RNF128: variants seen among roughly 807,000 people sequenced by gnomAD.
RNF128 encodes the protein E3 ubiquitin-protein ligase RNF128.
A neutral mutation model predicts 26.2 loss-of-function variants in RNF128; 13 were observed. That is an observed-to-expected ratio of 0.50 (90% CI 0.32 to 0.79). RNF128 has a LOEUF of 0.79. Ranked by LOEUF, RNF128 falls within the 30% of genes least tolerant of loss-of-function variation. RNF128 has a pLI of 0.03. For missense variants in RNF128, 315 were observed against 349.7 expected (o/e 0.90, Z 0.79); for synonymous variants, 149 against 142.5 (o/e 1.05, Z -0.32).
chrX:106,727,189 G>T lies in RNF128; in HGVS notation c.276G>T (p.Ala92=). The change falls in exon 1 of 7, where the codon GCG becomes GCT. Residue 92 remains alanine, a synonymous_variant. Coordinates refer to ENST00000255499, the MANE Select transcript of RNF128 (RefSeq NM_194463.2). The part of the protein sequence containing the change: ...GVLVPPDGPG[A]LNACNPHTNF... ...TGGTACCGCCCGACGGGCCCGGGGC[G>T]CTTAACGCCTGTAACCCGCACACGA... 1 of 1,211,493 alleles carries T rather than the reference G, an allele frequency of 8.3e-7. No individual in the cohort carries two copies. Among genetic ancestry groups the T allele is most frequent in the African/African-American group, 1.7e-5 (1 of 57,954 alleles).
chrX:106,701,883 C>T (rs889652150), intron 1 of RNF128, among the ~76,000 whole-genome samples: 2 of 111,247 alleles, frequency 1.8e-5, no homozygotes, highest in Non-Finnish European at 3.8e-5. Flanking sequence ...CTACATTGTA[C>T]CACAAGTCAA....
intron 1 of RNF128, among the ~76,000 whole-genome samples, chrX:106,703,532 CA>C (rs1928993117): frequency 9.0e-6 from 1 of 111,374 alleles, no homozygotes; most frequent in African/African-American, 3.3e-5. Context: ...TGCTCTTAAT[CA>C]GTACACAATA....
intron 2 of RNF128, among the ~76,000 whole-genome samples, chrX:106,776,263 A>T (rs1930463196): frequency 8.9e-6 from 1 of 112,244 alleles, no homozygotes; most frequent in South Asian, 3.7e-4. Flanking sequence ...GTATTCAAGC[A>T]GTTAATACTC....
intron 1 of RNF128, among the ~76,000 whole-genome samples, chrX:106,735,248 T>C (rs896533092): frequency 8.9e-6 from 1 of 111,974 alleles, no homozygotes; most frequent in African/African-American, 3.2e-5. Flanking sequence ...TACTTGCTTT[T>C]AATACTTGAA....
At chrX:106,770,935 G>T (rs1025154841) in intron 1 of RNF128, among the ~76,000 whole-genome samples, 1 of 112,098 alleles carries the variant, frequency 8.9e-6, no homozygotes, top group African/African-American at 3.2e-5. Flanking sequence ...CAGGGTTTTG[G>T]TGTGGATGTC....
rs2147668010 is a variant in RNF128 at position 106,726,994 on chromosome X, G to T, written c.81G>T (p.Leu27=). 8.3e-7 allele frequency: 1 copy of T among 1,202,878 alleles called. No homozygotes were observed. The highest frequency in any genetic ancestry group is 2.2e-5 in the Admixed American group (1 of 44,961). ...GATTGCTGGCATGGTGCTTCCTGCT[G>T]GCCCTGAGTCCGCAGGCACCCGGTT... is the stretch of plus-strand genomic sequence containing the variant. The part of the protein sequence containing the change: ...FSRLLAWCFL[L]ALSPQAPGSR... The change falls in exon 1 of 7, where the codon CTG becomes CTT. Residue 27 remains leucine (L), a synonymous_variant. Coordinates refer to ENST00000255499, the MANE Select transcript of RNF128 (RefSeq NM_194463.2).
intron 1 of RNF128, among the ~76,000 whole-genome samples, chrX:106,715,195 TAAC>T (rs1929192980): frequency 8.9e-6 from 1 of 112,199 alleles, no homozygotes; most frequent in Admixed American, 9.5e-5. Flanking sequence ...TCCACATCCT[TAAC>T]AACATTTGGT....
At chrX:106,726,466 T>C (rs189332219), upstream of RNF128, among the ~76,000 whole-genome samples, 3 of 112,134 alleles carry the variant, frequency 2.7e-5, no homozygotes, top group East Asian at 8.5e-4. Context: ...CCGACTCGAA[T>C]CCTGCCAGAA....
At chrX:106,788,522 TATA>T (rs1232326653) in intron 4 of RNF128, among the ~76,000 whole-genome samples, 2 of 58,079 alleles carry the variant, frequency 3.4e-5, no homozygotes, top group Admixed American at 3.3e-4. Context: ...TTATAATATA[TATA>T]ATATGTATTA....
intron 4 of RNF128, among the ~76,000 whole-genome samples, chrX:106,788,756 T>C (rs1408956726): frequency 1.3e-4 from 9 of 71,192 alleles, no homozygotes; most frequent in Non-Finnish European, 2.1e-4. Context: ...TAGTATACTA[T>C]ATAATATATA....
rs150895665 is a variant in RNF128, at chrX:106,754,410, C to CTTTTTTTTTTT, written c.485-18482_485-18472dup. On this transcript the variant is annotated intron_variant, in intron 1 of 6. Transcript: ENST00000255499. ...CCACACCTGGCAATGTTTTCTTTCT[C>CTTTTTTTTTTT]TTTTTTTTTTTTTTTTTTTTTTTTT... Among the ~76,000 whole-genome samples, 45 of 35,758 alleles carry CTTTTTTTTTTT rather than the reference C, an allele frequency of 1.3e-3. 5 individuals are homozygous for CTTTTTTTTTTT. Among genetic ancestry groups the CTTTTTTTTTTT allele is most frequent in the African/African-American group, 4.9e-3 (37 of 7,546 alleles). 31.1% of individuals were successfully genotyped at this position (35,758 alleles called of 115,157 possible). A position where few individuals can be genotyped will look rare whatever the true frequency, so the allele number is the denominator to read the frequency against.
rs1359670288 is a variant in RNF128 at position 106,716,257 on chromosome X, C to A, written c.406+21849C>A. On this transcript the variant is annotated intron_variant, in intron 1 of 6. Transcript: ENST00000324342. ...CTTTGTACTCCCTCACAGCACTTAT[C>A]TCTCTGACCACTCTTTTGTTTAAAT... Among the ~76,000 whole-genome samples, 7 of 111,892 alleles carry A rather than the reference C, an allele frequency of 6.3e-5. No individual in the cohort carries two copies. The Admixed American group carries it at 6.7e-4, about 11-fold the overall frequency.
chrX:106,747,554 G>T (rs1569440327), intron 1 of RNF128, among the ~76,000 whole-genome samples: 1 of 111,053 alleles, frequency 9.0e-6, no homozygotes, highest in Non-Finnish European at 1.9e-5. Context: ...TCATGCAGAA[G>T]ATGCAACCCA....
At chrX:106,705,362 T>C (rs749197154) in intron 1 of RNF128, among the ~76,000 whole-genome samples, 6 of 112,443 alleles carry the variant, frequency 5.3e-5, no homozygotes, top group Non-Finnish European at 1.1e-4. Context: ...GCTAATTACC[T>C]ATCTGCATTG....
chrX:106,712,588 C>T (rs989200136), intron 1 of RNF128, among the ~76,000 whole-genome samples: 4 of 111,251 alleles, frequency 3.6e-5, no homozygotes, highest in Admixed American at 9.6e-5. Context: ...TATGCATTCT[C>T]CACGTTTTTT....
Position 106,796,192 on chromosome X carries a change from A to G in RNF128, c.*479A>G, listed in dbSNP as rs2147706981. On this transcript the variant is annotated 3_prime_UTR_variant, in exon 7 of 7. Coordinates refer to ENST00000255499, the MANE Select transcript of RNF128 (RefSeq NM_194463.2). Reference sequence around the variant, plus strand: ...TGCAAACTTAGGCGAGTACTTCTTGAAATGTCTATTTAAGCTGCTTTAAGT... The same window carrying G: ...TGCAAACTTAGGCGAGTACTTCTTGGAATGTCTATTTAAGCTGCTTTAAGT... 8.9e-6 allele frequency: 1 copy of G among 112,359 alleles called. No homozygotes were observed. The highest frequency in any genetic ancestry group is 1.9e-5 in the Non-Finnish European group (1 of 53,101). The allele number at this position is 112,359 out of a possible 1,213,427, so 9.3% of individuals were successfully genotyped here.
At chrX:106,760,112 T>A (rs1272465613) in intron 1 of RNF128, among the ~76,000 whole-genome samples, 2 of 111,343 alleles carry the variant, frequency 1.8e-5, no homozygotes, top group Admixed American at 1.9e-4. Flanking sequence ...GAATAAAAAA[T>A]TTAGGAAAAT....
intron 1 of RNF128, among the ~76,000 whole-genome samples, chrX:106,729,850 C>T (rs1043911252): frequency 8.9e-6 from 1 of 112,250 alleles, no homozygotes; most frequent in Non-Finnish European, 1.9e-5. Flanking sequence ...GTTTGCTTTA[C>T]TCATTCCTCA....
At chrX:106,696,514 GTGTTT>G (rs1402375012) in intron 1 of RNF128, among the ~76,000 whole-genome samples, 1 of 111,093 alleles carries the variant, frequency 9.0e-6, no homozygotes, top group Non-Finnish European at 1.9e-5. Context: ...CTTTTCACTC[GTGTTT>G]TGTTTTGTTT....
Sources: allele counts gnomAD v4.1 joint callset (sites outside exome capture counted in the v4.1 genomes callset), GRCh38; gene constraint gnomAD v4.1.1; transcripts MANE v1.5; gene names NCBI Gene and HGNC (gene_info 2026-07-23, HGNC 2026-07-21).